Variants in OR8B3 observed in about 807,000 individuals in gnomAD.
OR8B3 encodes the protein olfactory receptor 8B3.
For missense variants in OR8B3, 278 were observed against 377.6 expected (o/e 0.74, Z 2.19); for synonymous variants, 102 against 135.4 (o/e 0.75, Z 1.71).
At chr11:124,407,447 T>TA in the OR8B3 span, among the ~76,000 whole-genome samples, 2 of 152,186 alleles carry the variant, frequency 1.3e-5, no homozygotes, top group Non-Finnish European at 2.9e-5. Flanking sequence ...TATTAAATCT[T>TA]ACCTTAGTAT....
the OR8B3 span, among the ~76,000 whole-genome samples, chr11:124,405,736 G>A: frequency 7.9e-5 from 12 of 152,272 alleles, no homozygotes; most frequent in South Asian, 4.2e-4. Flanking sequence ...TTTGTTTCAC[G>A]CCCTACAGCT....
At chr11:124,400,827 C>T (rs1860982609), upstream of OR8B3, among the ~76,000 whole-genome samples, 1 of 151,984 alleles carries the variant, frequency 6.6e-6, no homozygotes, top group Non-Finnish European at 1.5e-5. Flanking sequence ...TGTAATCTCT[C>T]ACACCTGGGA....
At chr11:124,403,084 G>A (rs1322319736), upstream of OR8B3, among the ~76,000 whole-genome samples, 2 of 152,114 alleles carry the variant, frequency 1.3e-5, no homozygotes, top group African/African-American at 2.4e-5. Flanking sequence ...ATCTTGCACC[G>A]CCCTTAATCC....
At chr11:124,403,900 T>C (rs559992919), upstream of OR8B3, among the ~76,000 whole-genome samples, 1 of 152,260 alleles carries the variant, frequency 6.6e-6, no homozygotes, top group South Asian at 2.1e-4. Context: ...CACTCGTGGT[T>C]AGGAGCTGGA....
upstream of OR8B3, among the ~76,000 whole-genome samples, chr11:124,402,861 TGGGTGTTTCTCGC>T (rs1861018563): frequency 6.6e-6 from 1 of 151,808 alleles, no homozygotes; most frequent in Non-Finnish European, 1.5e-5. Context: ...TGATCATTCT[TGGGTGTTTCTCGC>T]AGATGGGGAT....
upstream of OR8B3, among the ~76,000 whole-genome samples, chr11:124,403,522 G>A (rs651741): frequency 0.32 from 48,772 of 150,134 alleles, 7,857 homozygotes; most frequent in African/African-American, 0.39. Flanking sequence ...ACGGGGCGGC[G>A]GGGCAGAGGC....
chr11:124,399,681 C>T (rs1860956808), upstream of OR8B3, among the ~76,000 whole-genome samples: 1 of 152,204 alleles, frequency 6.6e-6, no homozygotes, highest in Middle Eastern at 3.4e-3. Context: ...AACTCTTCAC[C>T]CAGTTTCCTC....
chr11:124,400,643 A>G (rs1035289884), upstream of OR8B3, among the ~76,000 whole-genome samples: 7 of 151,996 alleles, frequency 4.6e-5, no homozygotes, highest in African/African-American at 1.7e-4. Context: ...GACTCGAGCA[A>G]TCCTCTCACC....
upstream of OR8B3, among the ~76,000 whole-genome samples, chr11:124,402,835 CT>C (rs200472893): frequency 0.26 from 37,848 of 148,122 alleles, 4,832 homozygotes; most frequent in South Asian, 0.39. Flanking sequence ...AATGATGCTT[CT>C]TTTTTTTTTT....
Position 124,396,926 on chromosome 11 carries a change from A to G in OR8B3, c.426T>C (p.Ser142=), listed in dbSNP as rs1860888678. 1 of 1,606,834 alleles carries G rather than the reference A, an allele frequency of 6.2e-7. No homozygotes were observed. Among genetic ancestry groups the G allele is most frequent in the African/African-American group, 1.3e-5 (1 of 74,668 alleles). ...TTATGTAAGCAGCAAAAGTGAGCAT[A>G]GAACAGACCTGATGGGACATGGTGA... The part of the protein sequence containing the change: ...YKVTMSHQVC[S]MLTFAAYIMG... Residue 142 remains serine, a synonymous_variant, in exon 2 of 2, where the codon TCT becomes TCC. Coordinates refer to ENST00000641139, the MANE Select transcript of OR8B3 (RefSeq NM_001005467.2).
Position 124,395,656 on chromosome 11 carries a change from T to C in OR8B3, c.*754A>G, listed in dbSNP as rs1038279544. ...TCAAAATTTTCAATGCTGTTTTAGA[T>C]AGCAATGAATGAAAGTTTTATAATG... On this transcript the variant is annotated 3_prime_UTR_variant, in exon 2 of 2. Coordinates refer to ENST00000641139, the MANE Select transcript of OR8B3 (RefSeq NM_001005467.2). 1 of 152,176 alleles carries C rather than the reference T, an allele frequency of 6.6e-6. No individual in the cohort carries two copies. The highest frequency in any genetic ancestry group is 1.5e-5 in the Non-Finnish European group (1 of 68,024). 9.4% of individuals were successfully genotyped at this position (152,176 alleles called of 1,614,324 possible).
At chr11:124,401,558 G>T (rs939978153), upstream of OR8B3, among the ~76,000 whole-genome samples, 1 of 152,092 alleles carries the variant, frequency 6.6e-6, no homozygotes, top group African/African-American at 2.4e-5. Context: ...TTTCATTGGC[G>T]TATTTAATGT....
At chr11:124,398,388 C>T (rs1438100949) in intron 1 of OR8B3, among the ~76,000 whole-genome samples, 1 of 152,130 alleles carries the variant, frequency 6.6e-6, no homozygotes, top group East Asian at 1.9e-4. Context: ...TAAAATTTTA[C>T]CAAACTGGTA....
At chr11:124,407,569 C>T in the OR8B3 span, among the ~76,000 whole-genome samples, 1 of 152,056 alleles carries the variant, frequency 6.6e-6, no homozygotes, top group African/African-American at 2.4e-5. Flanking sequence ...CCAGGTCATC[C>T]AGGTTACCCC....
the OR8B3 span, among the ~76,000 whole-genome samples, chr11:124,407,674 A>G: frequency 1.3e-5 from 2 of 152,118 alleles, no homozygotes; most frequent in Non-Finnish European, 2.9e-5. Context: ...ATTTCTAGAG[A>G]AAATGTACAT....
chr11:124,403,670 G>A (rs908154058), upstream of OR8B3, among the ~76,000 whole-genome samples: 49 of 151,898 alleles, frequency 3.2e-4, no homozygotes, highest in Middle Eastern at 6.8e-3. Context: ...CCCAGACGAT[G>A]GGCGGCCAGG....
At chr11:124,400,223 T>C (rs892368474), upstream of OR8B3, among the ~76,000 whole-genome samples, 2 of 152,210 alleles carry the variant, frequency 1.3e-5, no homozygotes, top group Non-Finnish European at 2.9e-5. Flanking sequence ...TTAGTAATTA[T>C]TATATGTATT....
the OR8B3 span, among the ~76,000 whole-genome samples, chr11:124,409,544 A>G: frequency 6.6e-6 from 1 of 152,244 alleles, no homozygotes; most frequent in East Asian, 1.9e-4. Flanking sequence ...GCAAATCTGT[A>G]TCTTATCTCT....
chr11:124,404,601 T>C, the OR8B3 span: 1 of 152,208 alleles, frequency 6.6e-6, no homozygotes, highest in Non-Finnish European at 1.5e-5. Flanking sequence ...CCTCACTATC[T>C]CTGGAAATAA....
Sources: gnomAD v4.1 joint callset for allele counts (sites outside exome capture counted in the v4.1 genomes callset) on GRCh38, gnomAD v4.1.1 for gene constraint, MANE v1.5 for transcripts, NCBI Gene and HGNC (gene_info 2026-07-23, HGNC 2026-07-21) for gene names.